PALD1: variants seen among roughly 807,000 people sequenced by gnomAD.
PALD1 encodes paladin.
A neutral mutation model predicts 96.0 loss-of-function variants in PALD1; 57 were observed. The observed-to-expected ratio is 0.59, with a 90% confidence interval of 0.48 to 0.74. The LOEUF is 0.74. Ranked by LOEUF, PALD1 falls within the 30% of genes least tolerant of loss-of-function variation. The pLI is 0.00. For synonymous variants in PALD1, 464 were observed against 473.6 expected, an observed-to-expected ratio of 0.98 and a Z score of 0.26; for missense variants, 1,063 against 1,143.7, an observed-to-expected ratio of 0.93 and a Z score of 1.02.
At chr10:70,541,033 T>C in intron 15 of PALD1, 69 bp from the exon 16 acceptor site, 1 of 1,498,978 alleles carries the variant, frequency 6.7e-7, no homozygotes, top group African/African-American at 1.4e-5. Flanking sequence ...GCCATGTGGA[T>C]GGGGACCCTG....
At chr10:70,538,672 C>T (rs1000047686) in intron 12 of PALD1, among the ~76,000 whole-genome samples, 2 of 152,260 alleles carry the variant, frequency 1.3e-5, no homozygotes, top group African/African-American at 4.8e-5. Flanking sequence ...TCTTTGCCTC[C>T]AGCTTCTTCT....
In PALD1 at chr10:70,547,360, G is replaced by C; in HGVS notation, c.2176G>C (p.Val726Leu). 1 of 1,613,124 alleles carries C rather than the reference G, an allele frequency of 6.2e-7. No individual in the cohort carries two copies. Among genetic ancestry groups the C allele is most frequent in the Non-Finnish European group, 8.5e-7 (1 of 1,179,220 alleles). The stretch of plus-strand genomic sequence containing the variant: ...CGATGGGCACCGTGTGAAGAAGGAG[G>C]TGGACGCAGCGCTGGACACTGTCAG... ...LPDGHRVKKE[V>L]DAALDTVSET... The change falls in exon 18 of 20, where the codon GTG becomes CTG. Residue 726 changes from valine to leucine, a missense_variant. By Grantham distance (32) the Val-to-Leu change is conservative (BLOSUM62 1). Transcript: ENST00000263563.
chr10:70,529,999 C>T lies in PALD1; in HGVS notation c.399C>T (p.Phe133=), dbSNP rs755929135. 17 of 1,603,942 alleles carry T rather than the reference C, an allele frequency of 1.1e-5. No individual in the cohort carries two copies. The highest frequency in any genetic ancestry group is 2.7e-5 in the African/African-American group (2 of 74,328). ...FRQVQGGLTV[F]GMGQPSLSGF... is the part of the protein sequence containing the mutation. The stretch of plus-strand genomic sequence containing the variant: ...AGGTGCAGGGTGGGCTCACTGTGTT[C>T]GGCATGGGACAGCCCAGCCTCTCAG... The change falls in exon 4 of 20, where the codon TTC becomes TTT. Residue 133 remains phenylalanine (F), a synonymous_variant. Coordinates refer to ENST00000263563, the MANE Select transcript of PALD1 (RefSeq NM_014431.3).
chr10:70,494,106 C>T (rs1286782895), intron 1 of PALD1, among the ~76,000 whole-genome samples: 1 of 152,194 alleles, frequency 6.6e-6, no homozygotes, highest in African/African-American at 2.4e-5. Flanking sequence ...CCCTCCCCCA[C>T]AGGACATTTG....
intron 1 of PALD1, among the ~76,000 whole-genome samples, chr10:70,514,762 G>T (rs1846587155): frequency 2.6e-5 from 4 of 152,190 alleles, no homozygotes; most frequent in Non-Finnish European, 5.9e-5. Flanking sequence ...CGCTGCAGTG[G>T]GCAGAGTGCG....
upstream of PALD1, among the ~76,000 whole-genome samples, chr10:70,477,642 C>T (rs946222438): frequency 6.6e-6 from 1 of 152,208 alleles, no homozygotes; most frequent in Non-Finnish European, 1.5e-5. Context: ...GGTGAGACCA[C>T]CACAATGAGT....
intron 1 of PALD1, among the ~76,000 whole-genome samples, chr10:70,502,066 A>C (rs1846310344): frequency 6.6e-6 from 1 of 152,170 alleles, no homozygotes; most frequent in African/African-American, 2.4e-5. Flanking sequence ...TGGGAGACTG[A>C]GGCAGGAGCA....
At chr10:70,498,529 C>A (rs1050981059) in intron 1 of PALD1, among the ~76,000 whole-genome samples, 13 of 150,964 alleles carry the variant, frequency 8.6e-5, no homozygotes, top group African/African-American at 2.7e-4. Context: ...GTCCTCTTGC[C>A]TTAGCCTCCC....
intron 18 of PALD1, among the ~76,000 whole-genome samples, chr10:70,556,386 C>T (rs1847612746): frequency 6.6e-6 from 1 of 151,864 alleles, no homozygotes; most frequent in Non-Finnish European, 1.5e-5. Context: ...TGCAATCATA[C>T]CTCACTGTAG....
intron 18 of PALD1, among the ~76,000 whole-genome samples, chr10:70,557,950 T>TTTTTTTTTG (rs71012214): frequency 1.5e-5 from 2 of 135,224 alleles, no homozygotes; most frequent in Admixed American, 7.6e-5. Flanking sequence ...TTTTTTTTTT[T>TTTTTTTTTG]AGAGACAGAG....
chr10:70,520,559 C>T (rs1333855297), intron 1 of PALD1, among the ~76,000 whole-genome samples: 1 of 152,206 alleles, frequency 6.6e-6, no homozygotes, highest in East Asian at 1.9e-4. Context: ...TATGTTGGAG[C>T]ATCAGGCAGC....
upstream of PALD1, among the ~76,000 whole-genome samples, chr10:70,477,120 T>A (rs962195517): frequency 6.6e-6 from 1 of 152,162 alleles, no homozygotes; most frequent in African/African-American, 2.4e-5. Flanking sequence ...GAAGAGGACA[T>A]TATCCTGGAA....
chr10:70,459,026 G>C, the PALD1 span, among the ~76,000 whole-genome samples: 1 of 152,178 alleles, frequency 6.6e-6, no homozygotes, highest in African/African-American at 2.4e-5. Context: ...CTCAGGGAGA[G>C]AGCGGCTCCC....
intron 10 of PALD1, among the ~76,000 whole-genome samples, chr10:70,535,162 A>G (rs1847083438): frequency 6.6e-6 from 1 of 152,154 alleles, no homozygotes; most frequent in South Asian, 2.1e-4. Context: ...CCCACTAGTA[A>G]AACTCCTGGT....
the PALD1 span, among the ~76,000 whole-genome samples, chr10:70,472,358 T>C: frequency 6.6e-6 from 1 of 152,142 alleles, no homozygotes; most frequent in East Asian, 1.9e-4. Context: ...CCTCCCGGGT[T>C]CAAGCGATTC....
chr10:70,523,908 C>G (rs1004078417), intron 1 of PALD1, among the ~76,000 whole-genome samples: 1 of 152,040 alleles, frequency 6.6e-6, no homozygotes, highest in Non-Finnish European at 1.5e-5. Flanking sequence ...GTGCATGGTC[C>G]AGAGGAGGCC....
chr10:70,545,247 A>G (rs1384963669), intron 17 of PALD1, among the ~76,000 whole-genome samples: 3 of 151,932 alleles, frequency 2.0e-5, no homozygotes, highest in Non-Finnish European at 4.4e-5. Flanking sequence ...TGGTGCGGGG[A>G]GCCTTTAGAC....
chr10:70,487,059 G>T (rs1272863599), intron 1 of PALD1, among the ~76,000 whole-genome samples: 5 of 152,026 alleles, frequency 3.3e-5, no homozygotes, highest in Admixed American at 3.3e-4. Context: ...GCTCCAGGGG[G>T]CTCTGAGCTG....
Position 70,539,541 on chromosome 10 carries a change from GC to G in PALD1, c.1726-35del. On this transcript the variant is annotated intron_variant, in intron 14 of 19. Coordinates refer to ENST00000263563, the MANE Select transcript of PALD1 (RefSeq NM_014431.3). This position sits in a 1 kb window ranked among gnomAD's most constrained non-coding sequence, Gnocchi z 4.5. Reference sequence around the variant, plus strand: ...GCCTTTCAGGGCTAGCCTAGAGCCTGCCCCAGTGGCCTGTGTCCTCCCTCCT... The same window carrying G: ...GCCTTTCAGGGCTAGCCTAGAGCCTGCCCAGTGGCCTGTGTCCTCCCTCCT... The G allele has an allele frequency of 6.5e-7, 1 of 1,544,152 alleles. No individual in the cohort carries two copies. The highest frequency in any genetic ancestry group is 8.8e-7 in the Non-Finnish European group (1 of 1,140,084).
Sources: allele counts gnomAD v4.1 joint callset (sites outside exome capture counted in the v4.1 genomes callset), GRCh38; gene constraint gnomAD v4.1.1; non-coding constraint Gnocchi (gnomAD v3.1); transcripts MANE v1.5; gene names NCBI Gene and HGNC (gene_info 2026-07-23, HGNC 2026-07-21).